Variants in KHDRBS3 observed in about 807,000 individuals in gnomAD.
KHDRBS3 encodes the protein KH RNA binding domain containing, signal transduction associated 3.
In KHDRBS3, 23 loss-of-function variants were observed where a neutral mutation model predicts 45.6. The ratio of observed to expected loss-of-function variants is 0.50; its 90% confidence interval spans 0.36 to 0.72. The LOEUF (loss-of-function observed/expected upper bound fraction) is 0.72, where lower values mean the gene tolerates loss of function less well. Ranked by LOEUF, KHDRBS3 falls within the 30% of genes least tolerant of loss-of-function variation. KHDRBS3 has a pLI of 0.00. For missense variants in KHDRBS3, 352 were observed against 424.8 expected (o/e 0.83, Z 1.51); for synonymous variants, 162 against 156.5 (o/e 1.04, Z -0.26).
intron 3 of KHDRBS3, among the ~76,000 whole-genome samples, chr8:135,544,516 A>T (rs554677758): frequency 6.6e-6 from 1 of 152,186 alleles, no homozygotes; most frequent in African/African-American, 2.4e-5. Flanking sequence ...GTCAATAGCC[A>T]GTGATCCTTT....
chr8:135,557,309 T>G, intron 4 of KHDRBS3, 139 bp from the exon 5 acceptor site: 1 of 455,662 alleles, frequency 2.2e-6, no homozygotes. Context: ...ATTTTTATTT[T>G]AGCAAATTTG....
intron 1 of KHDRBS3, among the ~76,000 whole-genome samples, chr8:135,495,214 A>G (rs1823376021): frequency 6.6e-6 from 1 of 152,162 alleles, no homozygotes; most frequent in South Asian, 2.1e-4. Context: ...TGTTCTGCCA[A>G]AGGTGAAGCA....
chr8:135,507,078 T>C (rs1450433505), intron 1 of KHDRBS3, among the ~76,000 whole-genome samples: 1 of 152,214 alleles, frequency 6.6e-6, no homozygotes, highest in Admixed American at 6.5e-5. Context: ...ATATTCTATA[T>C]TTGTTTATGT....
intron 5 of KHDRBS3, among the ~76,000 whole-genome samples, chr8:135,571,048 G>A (rs577806502): frequency 5.3e-5 from 8 of 152,304 alleles, no homozygotes; most frequent in African/African-American, 1.9e-4. Context: ...AGAACTTGTA[G>A]TTGAAATGCT....
rs1199142747 is a variant in KHDRBS3 at position 135,490,941 on chromosome 8, A to G, written c.89-30296A>G. 5.3e-5 allele frequency among the ~76,000 whole-genome samples: 8 copies of G among 152,172 alleles called. No individual in the cohort carries two copies. In the East Asian group the frequency reaches 1.2e-3, roughly 22 times the overall value. On this transcript the variant is annotated intron_variant, in intron 1 of 8. Transcript: ENST00000355849. ...TGTAATTCAGAAATCAGGAATTTTT[A>G]TGTTGGCATTATTAAACATTACTTG...
At chr8:135,472,225 T>C (rs561843508) in intron 1 of KHDRBS3, among the ~76,000 whole-genome samples, 1 of 152,218 alleles carries the variant, frequency 6.6e-6, no homozygotes, top group Non-Finnish European at 1.5e-5. Flanking sequence ...TAGCCTTGGC[T>C]CTGGTACTCA....
At chr8:135,493,716 T>C (rs1483990142) in intron 1 of KHDRBS3, among the ~76,000 whole-genome samples, 3 of 152,182 alleles carry the variant, frequency 2.0e-5, no homozygotes, top group Non-Finnish European at 4.4e-5. Flanking sequence ...TTTTTCATCT[T>C]TCTTTATGAG....
rs1831313700 is a variant in KHDRBS3 at position 135,646,922 on chromosome 8, TAG to T, written c.950-68_950-67del. The T allele has an allele frequency of 4.4e-5, 37 of 841,778 alleles. No individual in the cohort carries two copies. The South Asian group carries it at 4.6e-4, about 10-fold the overall frequency. The allele number at this position is 841,778 out of a possible 1,614,324, so 52.1% of individuals were successfully genotyped here. ...ATGTACCTTTGGTTCAGGGCTAAGT[TAG>T]AGTCTGAAAAATGAAGCCTGTGGGA... On this transcript the variant is annotated intron_variant, in intron 8 of 8. Coordinates refer to ENST00000355849, the MANE Select transcript of KHDRBS3 (RefSeq NM_006558.3).
At chr8:135,615,576 T>G (rs1829883245) in intron 7 of KHDRBS3, among the ~76,000 whole-genome samples, 1 of 152,200 alleles carries the variant, frequency 6.6e-6, no homozygotes, top group Non-Finnish European at 1.5e-5. Flanking sequence ...CGTCTCACAA[T>G]GTGATTTCAG....
At chr8:135,468,578 G>T (rs1821820080) in intron 1 of KHDRBS3, among the ~76,000 whole-genome samples, 1 of 152,196 alleles carries the variant, frequency 6.6e-6, no homozygotes, top group South Asian at 2.1e-4. Context: ...CAGACACTAT[G>T]TAAATGAATG....
At chr8:135,536,685 G>C (rs1273428340) in intron 2 of KHDRBS3, among the ~76,000 whole-genome samples, 1 of 152,046 alleles carries the variant, frequency 6.6e-6, no homozygotes, top group African/African-American at 2.4e-5. Flanking sequence ...TGTTGGCCGG[G>C]CGCGGTGGCT....
At chr8:135,534,660 G>A (rs1825643315) in intron 2 of KHDRBS3, among the ~76,000 whole-genome samples, 1 of 152,112 alleles carries the variant, frequency 6.6e-6, no homozygotes, top group South Asian at 2.1e-4. Flanking sequence ...TTTTATCAGT[G>A]GTGTAGTGTA....
chr8:135,513,839 C>T (rs1306156924), intron 1 of KHDRBS3, among the ~76,000 whole-genome samples: 1 of 152,024 alleles, frequency 6.6e-6, no homozygotes, highest in Non-Finnish European at 1.5e-5. Context: ...GACTAAAGAG[C>T]TATAGTCATG....
Position 135,548,910 on chromosome 8 carries a change from A to G in KHDRBS3, c.471+10A>G, listed in dbSNP as rs11166602. The G allele has an allele frequency of 0.64, 975,830 of 1,534,376 alleles. 314,501 individuals are homozygous for G. Among genetic ancestry groups the G allele is most frequent in the East Asian group, 0.77 (32,830 of 42,728 alleles). ...AAAGTTCCTCATCCCTGTTAGTACC[A>G]TTTTTCTTGATAGTTAACTTGTACT... is the stretch of plus-strand genomic sequence containing the variant. On this transcript the variant is annotated intron_variant, in intron 4 of 8. Transcript: ENST00000355849.
intron 1 of KHDRBS3, among the ~76,000 whole-genome samples, chr8:135,481,424 G>A (rs1416722265): frequency 6.8e-6 from 1 of 147,064 alleles, no homozygotes; most frequent in Non-Finnish European, 1.5e-5. Context: ...TGATCTCTTA[G>A]AGCACGCTGC....
chr8:135,541,000 A>C (rs555352796), intron 2 of KHDRBS3: 5 of 152,266 alleles, frequency 3.3e-5, no homozygotes, highest in African/African-American at 1.2e-4. Flanking sequence ...GCTGTCATCA[A>C]TATCTTCAGA....
intron 5 of KHDRBS3, among the ~76,000 whole-genome samples, chr8:135,562,332 A>T (rs1283390164): frequency 1.3e-5 from 2 of 152,224 alleles, no homozygotes; most frequent in African/African-American, 4.8e-5. Context: ...TTATAGTCAC[A>T]TACGGTATTC....
chr8:135,606,659 T>G (rs1227905367), intron 6 of KHDRBS3, among the ~76,000 whole-genome samples: 2 of 152,094 alleles, frequency 1.3e-5, no homozygotes, highest in African/African-American at 4.8e-5. Context: ...TTACCAGGAT[T>G]CAGCCATTTA....
At chr8:135,512,631 T>G (rs1824362096) in intron 1 of KHDRBS3, among the ~76,000 whole-genome samples, 1 of 152,242 alleles carries the variant, frequency 6.6e-6, no homozygotes, top group African/African-American at 2.4e-5. Context: ...CTATACTCCT[T>G]TAAATTATTT....
Sources: allele counts gnomAD v4.1 joint callset (sites outside exome capture counted in the v4.1 genomes callset), GRCh38; gene constraint gnomAD v4.1.1; transcripts MANE v1.5; gene names NCBI Gene and HGNC (gene_info 2026-07-23, HGNC 2026-07-21).